Variants in GJB7 observed in about 807,000 individuals in gnomAD.
The protein encoded by GJB7 is gap junction protein beta 7, also known as gap junction beta-7 protein.
For synonymous variants in GJB7, 87 were observed against 95.2 expected, an observed-to-expected ratio of 0.91 and a Z score of 0.50; for missense variants, 253 against 256.8, an observed-to-expected ratio of 0.99 and a Z score of 0.10.
intron 2 of GJB7, among the ~76,000 whole-genome samples, chr6:87,312,293 C>CACG (rs1416065473): frequency 6.6e-6 from 1 of 150,768 alleles, no homozygotes; most frequent in Non-Finnish European, 1.5e-5. Context: ...GTGGATGGAT[C>CACG]ACGAGGTCAA....
intron 2 of GJB7, among the ~76,000 whole-genome samples, chr6:87,315,315 T>G (rs1043798895): frequency 6.6e-6 from 1 of 152,146 alleles, no homozygotes; most frequent in African/African-American, 2.4e-5. Context: ...TCTTTCCTCC[T>G]GTCCAAAGCA....
intron 2 of GJB7, among the ~76,000 whole-genome samples, chr6:87,287,728 C>T (rs1386592407): frequency 2.6e-5 from 4 of 151,958 alleles, no homozygotes; most frequent in African/African-American, 7.3e-5. Context: ...TGTAATCTTA[C>T]TAAACATTTG....
chr6:87,284,248 C>T lies in GJB7; in HGVS notation c.665G>A (p.Ser222Asn). Reference sequence around the variant, plus strand: ...TATCTGAGGCTGTGGCACTCACACACTGAGGACTTGAGGTTTTTTTAAATA... The same window carrying T: ...TATCTGAGGCTGTGGCACTCACACATTGAGGACTTGAGGTTTTTTTAAATA... ...QKYLKKPQVLSV is the reference protein window; with the variant it reads ...QKYLKKPQVLNV Residue 222 changes from serine to asparagine, a missense_variant, in exon 3 of 3, where the codon AGT becomes AAT. Ser to Asn is a conservative substitution (Grantham distance 46). Transcript: ENST00000525899. 4 of 1,612,470 alleles carry T rather than the reference C, an allele frequency of 2.5e-6. No individual in the cohort carries two copies. The highest frequency in any genetic ancestry group is 2.5e-6 in the Non-Finnish European group (3 of 1,179,098).
intron 1 of GJB7, among the ~76,000 whole-genome samples, chr6:87,328,539 A>G (rs543752265): frequency 0.027 from 4,036 of 150,340 alleles, 254 homozygotes; most frequent in African/African-American, 0.096. Flanking sequence ...CCCCTGCTGG[A>G]GGCTGCCTCC....
intron 2 of GJB7, among the ~76,000 whole-genome samples, chr6:87,312,397 A>G (rs1002345371): frequency 4.0e-5 from 6 of 151,738 alleles, no homozygotes; most frequent in Non-Finnish European, 7.4e-5. Flanking sequence ...CTGTAATCCC[A>G]GTTACTCAGG....
chr6:87,284,621 GATA>G lies in GJB7; in HGVS notation c.289_291del (p.Tyr97del). 1 of 1,614,168 alleles carries G rather than the reference GATA, an allele frequency of 6.2e-7. No individual in the cohort carries two copies. Among genetic ancestry groups the G allele is most frequent in the Non-Finnish European group, 8.5e-7 (1 of 1,180,034 alleles). On this transcript the variant is annotated inframe_deletion, in exon 3 of 3. Coordinates refer to ENST00000525899, the MANE Select transcript of GJB7 (RefSeq NM_198568.3). Reference sequence around the variant, plus strand: ...CTGTGCCTTTTCTCTCTACCCTCATGATAGGCTACATGTAAAACCACCAGAAGT... The same window carrying G: ...CTGTGCCTTTTCTCTCTACCCTCATGGGCTACATGTAAAACCACCAGAAGT...
chr6:87,311,786 T>C (rs1776515227), intron 2 of GJB7, among the ~76,000 whole-genome samples: 1 of 152,188 alleles, frequency 6.6e-6, no homozygotes, highest in Non-Finnish European at 1.5e-5. Context: ...CAATCACATT[T>C]TTCCTGGCAA....
intron 2 of GJB7, among the ~76,000 whole-genome samples, chr6:87,308,565 G>T (rs1316155413): frequency 1.3e-5 from 2 of 152,062 alleles, no homozygotes; most frequent in African/African-American, 2.4e-5. Flanking sequence ...AAGACATTTG[G>T]GGCATAATGA....
rs554216189 is a variant in GJB7 at position 87,308,613 on chromosome 6, A to T, written c.-28+14253T>A. Among the ~76,000 whole-genome samples, 35 of 152,326 alleles carry T rather than the reference A, an allele frequency of 2.3e-4. No homozygotes were observed. In the South Asian group the frequency reaches 6.8e-3, roughly 30 times the overall value. On this transcript the variant is annotated intron_variant, in intron 2 of 2. Coordinates refer to ENST00000525899, the MANE Select transcript of GJB7 (RefSeq NM_198568.3). ...ATAAATCCTCAGAGTCCAAAATGAG[A>T]GAAAAGAGAAAATAGGGAGAAATAA...
chr6:87,320,535 T>C (rs774099542), intron 2 of GJB7, among the ~76,000 whole-genome samples: 3 of 152,174 alleles, frequency 2.0e-5, no homozygotes, highest in Admixed American at 1.3e-4. Flanking sequence ...TTAAGGACCA[T>C]GGCCTGTGAC....
chr6:87,312,493 A>C (rs933167188), intron 2 of GJB7, among the ~76,000 whole-genome samples: 1 of 147,956 alleles, frequency 6.8e-6, no homozygotes, highest in Admixed American at 6.7e-5. Flanking sequence ...CCTGGGCAAC[A>C]GAGTGAGACT....
At chr6:87,326,512 A>G (rs1421260249) in intron 1 of GJB7, among the ~76,000 whole-genome samples, 1 of 151,528 alleles carries the variant, frequency 6.6e-6, no homozygotes, top group African/African-American at 2.4e-5. Context: ...TTCTGCCTTC[A>G]GTTCGTTATG....
chr6:87,303,817 C>G (rs1157578859), intron 2 of GJB7, among the ~76,000 whole-genome samples: 1 of 152,154 alleles, frequency 6.6e-6, no homozygotes, highest in African/African-American at 2.4e-5. Context: ...GAAATTGTAA[C>G]AAACTGTTTC....
At chr6:87,293,025 A>T (rs954452680) in intron 2 of GJB7, among the ~76,000 whole-genome samples, 5 of 152,114 alleles carry the variant, frequency 3.3e-5, no homozygotes, top group African/African-American at 7.2e-5. Flanking sequence ...AGTTTATTTT[A>T]TTTTATTTTT....
intron 2 of GJB7, among the ~76,000 whole-genome samples, chr6:87,301,584 A>G (rs967921741): frequency 1.3e-5 from 2 of 152,166 alleles, no homozygotes; most frequent in Admixed American, 6.5e-5. Flanking sequence ...GCCTGCCTGT[A>G]TAGACTCCCC....
chr6:87,302,426 CA>C (rs1356556428), intron 2 of GJB7, among the ~76,000 whole-genome samples: 2 of 152,110 alleles, frequency 1.3e-5, no homozygotes, highest in African/African-American at 2.4e-5. Flanking sequence ...GAAAGGGTAT[CA>C]GTGATTGAAG....
chr6:87,284,367 G>C lies in GJB7; in HGVS notation c.546C>G (p.Phe182Leu). Residue 182 changes from phenylalanine (F) to leucine (L), a missense_variant, in exon 3 of 3, where the codon TTC becomes TTG. Phe to Leu is a conservative substitution (Grantham distance 22, BLOSUM62 0). Transcript: ENST00000525899. ...TACACAAGCATGAGGTGATGACCAA[G>C]AAGAGGATGAAGATCGTCTTCTCAG... ...KPTEKTIFIL[F>L]LVITSCLCIV... 6.2e-7 allele frequency: 1 copy of C among 1,614,140 alleles called. No individual in the cohort carries two copies.
intron 2 of GJB7, among the ~76,000 whole-genome samples, chr6:87,317,077 G>T (rs904256670): frequency 6.6e-6 from 1 of 152,196 alleles, no homozygotes. Flanking sequence ...GTATCTGGCT[G>T]GGCGTGGTGG....
At position 87,284,380 on chromosome 6, in the gene GJB7, A is replaced by T. The variant is rs1776021155; in HGVS notation, c.533T>A (p.Ile178Asn). The T allele has an allele frequency of 2.5e-6, 4 of 1,614,068 alleles. No homozygotes were observed. The highest frequency in any genetic ancestry group is 2.5e-6 in the Non-Finnish European group (3 of 1,180,032). Reference sequence around the variant, plus strand: ...GGTGATGACCAAGAAGAGGATGAAGATCGTCTTCTCAGTGGGTTTGGAGAT... The same window carrying T: ...GGTGATGACCAAGAAGAGGATGAAGTTCGTCTTCTCAGTGGGTTTGGAGAT... ...CFISKPTEKT[I>N]FILFLVITSC... Residue 178 changes from isoleucine to asparagine, a missense_variant, in exon 3 of 3, where the codon ATC (isoleucine) becomes AAC (asparagine). Transcript: ENST00000525899.
Sources: allele counts gnomAD v4.1 joint callset (sites outside exome capture counted in the v4.1 genomes callset), GRCh38; gene constraint gnomAD v4.1.1; transcripts MANE v1.5; gene names NCBI Gene and HGNC (gene_info 2026-07-23, HGNC 2026-07-21).